RANBP2: variants seen among roughly 807,000 people sequenced by gnomAD.
The protein encoded by RANBP2 is RAN binding protein 2, also known as E3 SUMO-protein ligase RanBP2.
A neutral mutation model predicts 303.6 loss-of-function variants in RANBP2; 57 were observed. The observed-to-expected ratio is 0.19, with a 90% confidence interval of 0.15 to 0.23. RANBP2 has a LOEUF of 0.23. Among genes scored for constraint, RANBP2 ranks in the 10% least tolerant of loss-of-function variants. The probability of loss-of-function intolerance (pLI) is 1.00; values close to 1 mark genes in which losing one functional copy is unlikely to be tolerated. For synonymous variants in RANBP2, 1,167 were observed against 1,301.5 expected, an observed-to-expected ratio of 0.90 and a Z score of 2.23; for missense variants, 3,138 against 3,780.8, an observed-to-expected ratio of 0.83 and a Z score of 4.46.
intron 18 of RANBP2, among the ~76,000 whole-genome samples, chr2:108,760,951 A>C (rs1676690936): frequency 6.6e-6 from 1 of 152,016 alleles, no homozygotes; most frequent in Admixed American, 6.6e-5. Context: ...GGCTCACTTC[A>C]AAAACATGTT....
chr2:109,441,097 T>C, the RANBP2 span, among the ~76,000 whole-genome samples: 2 of 134,730 alleles, frequency 1.5e-5, no homozygotes, highest in East Asian at 4.0e-4. Flanking sequence ...TTTATCTTTG[T>C]CCCAGAACAA....
chr2:109,463,978 G>A, the RANBP2 span, among the ~76,000 whole-genome samples: 1 of 152,200 alleles, frequency 6.6e-6, no homozygotes, highest in Non-Finnish European at 1.5e-5. Flanking sequence ...GTCACCAGGA[G>A]AGGAAGGATA....
the RANBP2 span, among the ~76,000 whole-genome samples, chr2:109,514,660 G>T: frequency 1.9e-4 from 29 of 152,218 alleles, no homozygotes; most frequent in Admixed American, 1.4e-3. Context: ...GTGGCCTCAG[G>T]TGTGGCTACA....
the RANBP2 span, among the ~76,000 whole-genome samples, chr2:109,383,077 G>T: frequency 6.6e-6 from 1 of 152,226 alleles, no homozygotes; most frequent in Non-Finnish European, 1.5e-5. Context: ...ATTCCATGCA[G>T]CCCTGAGGGC....
At chr2:109,040,917 G>A in the RANBP2 span, among the ~76,000 whole-genome samples, 3 of 152,098 alleles carry the variant, frequency 2.0e-5, no homozygotes, top group Non-Finnish European at 4.4e-5. Context: ...TTAGCCAGGC[G>A]TGGTGGTGGG....
the RANBP2 span, among the ~76,000 whole-genome samples, chr2:109,472,499 G>A: frequency 1.3e-5 from 2 of 152,304 alleles, no homozygotes; most frequent in African/African-American, 2.4e-5. Flanking sequence ...AAGGACTTGT[G>A]GAAAGAAGAG....
At chr2:109,347,004 T>C in the RANBP2 span, among the ~76,000 whole-genome samples, 1 of 152,188 alleles carries the variant, frequency 6.6e-6, no homozygotes, top group African/African-American at 2.4e-5. Flanking sequence ...ACACAGGCTG[T>C]TTGTCATCAT....
the RANBP2 span, among the ~76,000 whole-genome samples, chr2:109,653,271 T>A: frequency 4.6e-5 from 7 of 152,020 alleles, no homozygotes; most frequent in Non-Finnish European, 1.0e-4. Flanking sequence ...GGTGGGCACC[T>A]GTAATCCCAA....
At chr2:109,658,506 C>G in the RANBP2 span, among the ~76,000 whole-genome samples, 2 of 152,152 alleles carry the variant, frequency 1.3e-5, no homozygotes, top group Non-Finnish European at 2.9e-5. Flanking sequence ...TAAACAGACA[C>G]CACGATATCT....
At chr2:109,641,134 T>C in the RANBP2 span, among the ~76,000 whole-genome samples, 1 of 52,798 alleles carries the variant, frequency 1.9e-5, no homozygotes, top group African/African-American at 4.6e-5. Context: ...GTTTTATTTA[T>C]TTGTTTGTTT....
the RANBP2 span, chr2:108,846,920 A>C: frequency 6.3e-7 from 1 of 1,589,690 alleles, no homozygotes; most frequent in Admixed American, 1.7e-5. Flanking sequence ...TTCTCAAAAC[A>C]GTCACTCAAG....
the RANBP2 span, among the ~76,000 whole-genome samples, chr2:109,584,314 A>G: frequency 6.6e-6 from 1 of 151,766 alleles, no homozygotes; most frequent in Non-Finnish European, 1.5e-5. Flanking sequence ...CGTCTCTACT[A>G]AAAACACAAA....
At chr2:109,594,814 T>TA in the RANBP2 span, 1 of 152,126 alleles carries the variant, frequency 6.6e-6, no homozygotes, top group Non-Finnish European at 1.5e-5. Context: ...AAATTTCATA[T>TA]ATGCTAACAA....
chr2:108,996,368 A>T, the RANBP2 span, among the ~76,000 whole-genome samples: 1 of 152,198 alleles, frequency 6.6e-6, no homozygotes, highest in African/African-American at 2.4e-5. Context: ...GCTGGACACT[A>T]GAGAGCTCTC....
At chr2:108,762,798 C>A (rs4099610) in intron 19 of RANBP2, among the ~76,000 whole-genome samples, 48 of 151,296 alleles carry the variant, frequency 3.2e-4, no homozygotes, top group South Asian at 1.0e-3. Context: ...ATAAATGTTA[C>A]CATCATCATC....
At chr2:109,025,819 A>G in the RANBP2 span, among the ~76,000 whole-genome samples, 1 of 151,772 alleles carries the variant, frequency 6.6e-6, no homozygotes, top group African/African-American at 2.4e-5. Context: ...AAAAAGAAAA[A>G]AAATTACATC....
chr2:108,886,008 C>T, the RANBP2 span, among the ~76,000 whole-genome samples: 6 of 152,214 alleles, frequency 3.9e-5, no homozygotes, highest in Admixed American at 2.0e-4. Flanking sequence ...TCCATTCGTC[C>T]GCTGATGGGC....
the RANBP2 span, among the ~76,000 whole-genome samples, chr2:109,155,168 T>C: frequency 2.0e-5 from 3 of 152,236 alleles, no homozygotes; most frequent in African/African-American, 7.2e-5. Flanking sequence ...TTCGGCATTT[T>C]GCAAACTACA....
chr2:109,544,869 C>T, the RANBP2 span: 9,716 of 850,384 alleles, frequency 0.011, 661 homozygotes, highest in African/African-American at 0.15. Context: ...GATAAAGATC[C>T]ATGCCCTTGG....
Sources: gnomAD v4.1 joint callset for allele counts (sites outside exome capture counted in the v4.1 genomes callset) on GRCh38, gnomAD v4.1.1 for gene constraint, MANE v1.5 for transcripts, NCBI Gene and HGNC (gene_info 2026-07-23, HGNC 2026-07-21) for gene names.